TRPV4: variants seen among roughly 807,000 people sequenced by gnomAD.
TRPV4 encodes the protein OSM9-like transient receptor potential channel 4.
Under a neutral mutation model 84.1 loss-of-function variants are expected in TRPV4, and 58 were observed. That is an observed-to-expected ratio of 0.69 (90% CI 0.56 to 0.86). TRPV4 has a LOEUF of 0.86. TRPV4 is among the 40% of genes least tolerant of loss of function. TRPV4 has a pLI of 0.00. For synonymous variants in TRPV4, 489 were observed against 500.9 expected, an observed-to-expected ratio of 0.98 and a Z score of 0.32; for missense variants, 879 against 1,181.1, an observed-to-expected ratio of 0.74 and a Z score of 3.75.
Position 109,784,730 on chromosome 12 carries a change from G to A in TRPV4, c.2337-293C>T, listed in dbSNP as rs115336097. On this transcript the variant is annotated intron_variant, in intron 14 of 15. Transcript: ENST00000261740. ...ATGGTGGCGGGTGCCTATAGTCCCA[G>A]TGACCCGAGAGGCTGAGGCAGGAAA... Among the ~76,000 whole-genome samples the A allele has an allele frequency of 0.025, 3,771 of 151,050 alleles. 92 individuals carry two copies. Among genetic ancestry groups the A allele is most frequent in the African/African-American group, 0.062 (2,565 of 41,054 alleles).
At chr12:109,826,823 C>T (rs1386120845) in intron 1 of TRPV4, among the ~76,000 whole-genome samples, 1 of 152,198 alleles carries the variant, frequency 6.6e-6, no homozygotes, top group African/African-American at 2.4e-5. Context: ...TAAAAGGGAG[C>T]TCATCACAGT....
intron 1 of TRPV4, among the ~76,000 whole-genome samples, chr12:109,819,082 TAC>T (rs142787399): frequency 8.0e-5 from 12 of 149,774 alleles, no homozygotes; most frequent in South Asian, 2.1e-4. Flanking sequence ...TAGGCATGTG[TAC>T]ACACACACAC....
rs1890161649 is a variant in TRPV4 at position 109,793,368 on chromosome 12, C to A, written c.1658+159G>T. 3 of 715,794 alleles carry A rather than the reference C, an allele frequency of 4.2e-6. No individual in the cohort carries two copies. 44.3% of individuals were successfully genotyped at this position (715,794 alleles called of 1,614,324 possible). A position where few individuals can be genotyped will look rare whatever the true frequency, so the allele number is the denominator to read the frequency against. On this transcript the variant is annotated intron_variant, in intron 10 of 15. Transcript: ENST00000261740. This position sits in a 1 kb window ranked among gnomAD's most constrained non-coding sequence, Gnocchi z 4.0. The stretch of plus-strand genomic sequence containing the variant: ...TCAGAATTTTTCTTGAACCAGAAGA[C>A]CCTATTGTTTGTGGCTTTGTCCTGA...
At chr12:109,817,789 CT>C (rs1373602847) in intron 1 of TRPV4, among the ~76,000 whole-genome samples, 1 of 152,220 alleles carries the variant, frequency 6.6e-6, no homozygotes, top group African/African-American at 2.4e-5. Context: ...TCTGCTCCTC[CT>C]CTAAGGACAT....
chr12:109,814,910 G>A lies in TRPV4; in HGVS notation c.-31-83C>T, dbSNP rs1243772579. On this transcript the variant is annotated intron_variant, in intron 1 of 15. Transcript: ENST00000261740. The surrounding 1 kb of genome is among the most constrained non-coding windows in gnomAD (Gnocchi z 5.4). ...AAGCCCCCTCCCACGTGGACAAGCAGCAGTGCTGCCAGCTGCTTCAAAGCC... is the reference window on the plus strand; with the variant it reads ...AAGCCCCCTCCCACGTGGACAAGCAACAGTGCTGCCAGCTGCTTCAAAGCC... 1 of 1,340,972 alleles carries A rather than the reference G, an allele frequency of 7.5e-7. No homozygotes were observed. The highest frequency in any genetic ancestry group is 1.5e-5 in the African/African-American group (1 of 68,714). The allele number at this position is 1,340,972 out of a possible 1,614,324, so 83.1% of individuals were successfully genotyped here.
chr12:109,783,688 T>G lies in TRPV4; in HGVS notation c.2549A>C (p.Asn850Thr), dbSNP rs1241036523. ...CTGCTGGTGGCCATCGCAGCGGGGGTTCCCCATGCTGTCCAGAGGCACCAC... is the reference window on the plus strand; with the variant it reads ...CTGCTGGTGGCCATCGCAGCGGGGGGTCCCCATGCTGTCCAGAGGCACCAC... ...EVVVPLDSMG[N>T]PRCDGHQQGY... The change falls in exon 16 of 16, where the codon AAC (asparagine) becomes ACC (threonine). Residue 850 changes from asparagine (N) to threonine (T), a missense_variant. By Grantham distance (65) the Asn-to-Thr change is moderately conservative (BLOSUM62 0). Transcript: ENST00000261740. The surrounding 1 kb of genome is among the most constrained non-coding windows in gnomAD (Gnocchi z 4.6). 2.5e-6 allele frequency: 4 copies of G among 1,611,124 alleles called. No individual in the cohort carries two copies. In the African/African-American group the frequency reaches 5.4e-5, roughly 22 times the overall value.
intron 8 of TRPV4, 134 bp downstream of exon 8, chr12:109,794,195 G>T: frequency 8.0e-7 from 1 of 1,255,726 alleles, no homozygotes; most frequent in Non-Finnish European, 1.1e-6. Context: ...ATGCTGGAGG[G>T]CGCCTCCCCA....
At position 109,796,177 on chromosome 12, in the gene TRPV4, T is replaced by C. The variant is rs1472102443; in HGVS notation, c.1332+348A>G. ...CTCTTTGGTCCTCCCAAGAACCCCA[T>C]GGGATATCCATGATCCTTATCCCCA... On this transcript the variant is annotated intron_variant, in intron 7 of 15. Transcript: ENST00000261740. This position sits in a 1 kb window ranked among gnomAD's most constrained non-coding sequence, Gnocchi z 4.2. 6.6e-6 allele frequency among the ~76,000 whole-genome samples: 1 copy of C among 152,126 alleles called. No homozygotes were observed. The highest frequency in any genetic ancestry group is 2.4e-5 in the African/African-American group (1 of 41,420).
chr12:109,813,816 G>A (rs1464656368), intron 2 of TRPV4, among the ~76,000 whole-genome samples: 1 of 151,926 alleles, frequency 6.6e-6, no homozygotes, highest in Non-Finnish European at 1.5e-5. Context: ...ATGAATAGAC[G>A]AGTAGATGGA....
Position 109,815,005 on chromosome 12 carries a change from C to T in TRPV4, c.-31-178G>A. 1 of 619,676 alleles carries T rather than the reference C, an allele frequency of 1.6e-6. No homozygotes were observed. The highest frequency in any genetic ancestry group is 2.8e-6 in the Non-Finnish European group (1 of 355,014). 38.4% of individuals were successfully genotyped at this position (619,676 alleles called of 1,614,324 possible). ...GTTGGCCGCCAGCCTCAGGCGGGAACTGCAACAGGAGCCTCTTTCACGAAC... is the reference window on the plus strand; with the variant it reads ...GTTGGCCGCCAGCCTCAGGCGGGAATTGCAACAGGAGCCTCTTTCACGAAC... On this transcript the variant is annotated intron_variant, in intron 1 of 15. Transcript: ENST00000261740. The surrounding 1 kb of genome is among the most constrained non-coding windows in gnomAD (Gnocchi z 4.1).
intron 12 of TRPV4, among the ~76,000 whole-genome samples, chr12:109,791,990 G>A (rs1159575846): frequency 6.6e-6 from 1 of 151,606 alleles, no homozygotes; most frequent in East Asian, 2.0e-4. Context: ...CACCATTTTG[G>A]GAGGCCAAGG....
At chr12:109,795,443 G>A (rs754031517) in intron 7 of TRPV4, among the ~76,000 whole-genome samples, 1 of 152,164 alleles carries the variant, frequency 6.6e-6, no homozygotes, top group Admixed American at 6.5e-5. Flanking sequence ...GGGCTAGAAG[G>A]AAGACCACCT....
intron 14 of TRPV4, among the ~76,000 whole-genome samples, chr12:109,784,860 CGT>C (rs58584964): frequency 0.33 from 40,392 of 123,388 alleles, 7,514 homozygotes; most frequent in East Asian, 0.65. Context: ...AAAAAAAAGA[CGT>C]GTGTGTGTGT....
rs16940583 is a variant in TRPV4 at position 109,800,460 on chromosome 12, A to G, written c.853+158T>C. ...AGGCAACGGCCCTGTGACCAAGACC[A>G]ACGTGCAGCCTGTGGTCCAGAGTGC... On this transcript the variant is annotated intron_variant, in intron 5 of 15. Transcript: ENST00000261740. Among the ~76,000 whole-genome samples, 19,319 of 152,160 alleles carry G rather than the reference A, an allele frequency of 0.13. 1,570 individuals carry two copies. Among genetic ancestry groups the G allele is most frequent in the African/African-American group, 0.22 (9,213 of 41,480 alleles).
At chr12:109,788,361 G>C in intron 13 of TRPV4, 39 bp downstream of exon 13, 1 of 1,595,244 alleles carries the variant, frequency 6.3e-7, no homozygotes, top group East Asian at 2.3e-5. Context: ...AAGGACGAGG[G>C]TGGCTGGTAG....
At chr12:109,825,065 G>A (rs1270658539) in intron 1 of TRPV4, among the ~76,000 whole-genome samples, 3 of 152,014 alleles carry the variant, frequency 2.0e-5, no homozygotes, top group African/African-American at 7.2e-5. Flanking sequence ...AATAAGGCTG[G>A]GTGCAGTGGC....
At chr12:109,807,865 G>A (rs1223325471) in intron 3 of TRPV4, among the ~76,000 whole-genome samples, 1 of 152,146 alleles carries the variant, frequency 6.6e-6, no homozygotes, top group Non-Finnish European at 1.5e-5. Flanking sequence ...CCTTCCCTCA[G>A]GGGAGCAGGA....
chr12:109,826,487 C>T lies in TRPV4; in HGVS notation c.-32+6863G>A, dbSNP rs192939506. Among the ~76,000 whole-genome samples the T allele has an allele frequency of 1.8e-4, 27 of 152,270 alleles. No individual in the cohort carries two copies. In the East Asian group the frequency reaches 4.8e-3, roughly 27 times the overall value. On this transcript the variant is annotated intron_variant, in intron 1 of 15. Transcript: ENST00000261740. ...TTCACATTTCTCTCTCATTTGAGGT[C>T]GGTGTTATTGTTATCATTTCACAGA...
chr12:109,807,136 C>T (rs1159702231), intron 3 of TRPV4, among the ~76,000 whole-genome samples: 3 of 151,330 alleles, frequency 2.0e-5, no homozygotes, highest in Non-Finnish European at 2.9e-5. Flanking sequence ...ATTAGCCGGG[C>T]GTGGTGGCGC....
Sources: allele counts gnomAD v4.1 joint callset (sites outside exome capture counted in the v4.1 genomes callset), GRCh38; gene constraint gnomAD v4.1.1; non-coding constraint Gnocchi (gnomAD v3.1); transcripts MANE v1.5; gene names NCBI Gene and HGNC (gene_info 2026-07-23, HGNC 2026-07-21).